EPHA3: variants seen among roughly 807,000 people sequenced by gnomAD.
The protein encoded by EPHA3 is ephrin type-A receptor 3.
A neutral mutation model predicts 107.1 loss-of-function variants in EPHA3; 42 were observed. That is an observed-to-expected ratio of 0.39 (90% confidence interval 0.31 to 0.51). The LOEUF (loss-of-function observed/expected upper bound fraction) is 0.51, where lower values mean the gene tolerates loss of function less well. Ranked by LOEUF, EPHA3 falls within the 20% of genes least tolerant of loss-of-function variation. The probability of loss-of-function intolerance (pLI) is 0.78; values close to 1 mark genes in which losing one functional copy is unlikely to be tolerated. For synonymous variants in EPHA3, 461 were observed against 424.8 expected (o/e 1.09, Z -1.05); for missense variants, 1,183 against 1,211.2 (o/e 0.98, Z 0.35).
At chr3:89,284,008 T>C (rs1284364567) in intron 3 of EPHA3, among the ~76,000 whole-genome samples, 1 of 152,094 alleles carries the variant, frequency 6.6e-6, no homozygotes, top group East Asian at 1.9e-4. Context: ...AAATTCCTAC[T>C]GCCACACCAT....
chr3:89,432,787 T>C (rs1709593734), intron 13 of EPHA3, among the ~76,000 whole-genome samples: 1 of 152,136 alleles, frequency 6.6e-6, no homozygotes, highest in African/African-American at 2.4e-5. Context: ...TTATACTTTA[T>C]ATACTGATAT....
intron 3 of EPHA3, among the ~76,000 whole-genome samples, chr3:89,293,001 C>T (rs1706251768): frequency 6.6e-6 from 1 of 152,102 alleles, no homozygotes; most frequent in South Asian, 2.1e-4. Context: ...TCTTCACCAC[C>T]CCTTTGTATT....
At position 89,258,817 on chromosome 3, in the gene EPHA3, G is replaced by A. The variant is rs187612559; in HGVS notation, c.814+48297G>A. Among the ~76,000 whole-genome samples, 194 of 152,258 alleles carry A rather than the reference G, an allele frequency of 1.3e-3. 2 individuals are homozygous for A. The highest frequency in any genetic ancestry group is 3.2e-4 in the Non-Finnish European group (22 of 68,022). On this transcript the variant is annotated intron_variant, in intron 3 of 16. Transcript: ENST00000336596. ...GACAGGTGGTTGATAGAGGTGGGGTGAACATGTGACAACAAAAGGAGGACA... is the reference window on the plus strand; with the variant it reads ...GACAGGTGGTTGATAGAGGTGGGGTAAACATGTGACAACAAAAGGAGGACA...
At chr3:89,224,395 C>A (rs1447093474) in intron 3 of EPHA3, among the ~76,000 whole-genome samples, 1 of 152,078 alleles carries the variant, frequency 6.6e-6, no homozygotes. Flanking sequence ...TAGGTAACAC[C>A]AAATTTGCCT....
At chr3:89,257,480 G>T (rs908905317) in intron 3 of EPHA3, among the ~76,000 whole-genome samples, 1 of 152,018 alleles carries the variant, frequency 6.6e-6, no homozygotes, top group Non-Finnish European at 1.5e-5. Flanking sequence ...GACTTTTGGA[G>T]AAATAGTTGA....
chr3:89,430,275 T>C (rs1407394371), intron 12 of EPHA3, among the ~76,000 whole-genome samples: 1 of 152,098 alleles, frequency 6.6e-6, no homozygotes, highest in African/African-American at 2.4e-5. Context: ...GATAGATAGA[T>C]AAATAGATAA....
intron 3 of EPHA3, among the ~76,000 whole-genome samples, chr3:89,270,228 T>C (rs757092887): frequency 1.3e-5 from 2 of 152,118 alleles, no homozygotes; most frequent in Non-Finnish European, 2.9e-5. Context: ...GAAACTGATA[T>C]CATGTTATTA....
intron 16 of EPHA3, among the ~76,000 whole-genome samples, chr3:89,478,787 T>C (rs73139135): frequency 0.2 from 29,871 of 152,104 alleles, 3,583 homozygotes; most frequent in Non-Finnish European, 0.26. Context: ...TGTGTGATCA[T>C]TGATATTAGT....
At chr3:89,344,721 A>G (rs1171695313) in intron 5 of EPHA3, among the ~76,000 whole-genome samples, 20 of 152,186 alleles carry the variant, frequency 1.3e-4, no homozygotes, top group Non-Finnish European at 2.1e-4. Flanking sequence ...TTTGACGTGG[A>G]TATAAAGGGG....
At chr3:89,242,315 T>A (rs76240807) in intron 3 of EPHA3, among the ~76,000 whole-genome samples, 2,641 of 152,348 alleles carry the variant, frequency 0.017, 50 homozygotes, top group African/African-American at 0.055. Flanking sequence ...TACACATTGA[T>A]AAGAATGTTT....
intron 3 of EPHA3, 149 bp from the exon 4 acceptor site, chr3:89,340,767 A>T: frequency 1.5e-6 from 1 of 686,752 alleles, no homozygotes; most frequent in Non-Finnish European, 2.2e-6. Context: ...AAACTACAGT[A>T]GGCTCTGTCA....
intron 3 of EPHA3, among the ~76,000 whole-genome samples, chr3:89,228,045 G>T (rs1195167534): frequency 6.6e-6 from 1 of 151,934 alleles, no homozygotes; most frequent in Non-Finnish European, 1.5e-5. Context: ...ATTATGTTTG[G>T]CATGTGTGAT....
chr3:89,215,298 A>T (rs1204800796), intron 3 of EPHA3, among the ~76,000 whole-genome samples: 1 of 151,938 alleles, frequency 6.6e-6, no homozygotes, highest in Non-Finnish European at 1.5e-5. Flanking sequence ...AAATTATGTG[A>T]GTGCACTATC....
intron 5 of EPHA3, among the ~76,000 whole-genome samples, chr3:89,351,082 C>T (rs1251274984): frequency 1.3e-5 from 2 of 151,270 alleles, no homozygotes; most frequent in East Asian, 1.9e-4. Context: ...TTGTCTTTGC[C>T]CTGCCCCCAG....
At chr3:89,236,592 G>A (rs78903331) in intron 3 of EPHA3, among the ~76,000 whole-genome samples, 1 of 66,356 alleles carries the variant, frequency 1.5e-5, no homozygotes, top group East Asian at 4.1e-4. Flanking sequence ...GGGGTGGGGG[G>A]AGGGGGGAGG....
chr3:89,218,231 C>T (rs1285402867), intron 3 of EPHA3, among the ~76,000 whole-genome samples: 1 of 151,768 alleles, frequency 6.6e-6, no homozygotes, highest in Non-Finnish European at 1.5e-5. Context: ...TGTTGGTGTG[C>T]TGCACCCATT....
chr3:89,439,014 C>A (rs1334257383), intron 13 of EPHA3, among the ~76,000 whole-genome samples: 1 of 151,944 alleles, frequency 6.6e-6, no homozygotes, highest in Admixed American at 6.6e-5. Context: ...CAGGAGCACA[C>A]AAGTAAAGGC....
chr3:89,145,203 A>T (rs1310474963), intron 2 of EPHA3, among the ~76,000 whole-genome samples: 1 of 151,654 alleles, frequency 6.6e-6, no homozygotes, highest in African/African-American at 2.4e-5. Context: ...CTGCTAATGA[A>T]TTACTTTATT....
chr3:89,459,625 CGATT>C (rs1344334968), intron 15 of EPHA3, among the ~76,000 whole-genome samples: 2 of 152,032 alleles, frequency 1.3e-5, no homozygotes, highest in Non-Finnish European at 2.9e-5. Flanking sequence ...TGGGTTCAGG[CGATT>C]CTCCTGCCTC....
Sources: gnomAD v4.1 joint callset for allele counts (sites outside exome capture counted in the v4.1 genomes callset) on GRCh38, gnomAD v4.1.1 for gene constraint, MANE v1.5 for transcripts, NCBI Gene and HGNC (gene_info 2026-07-23, HGNC 2026-07-21) for gene names.